Variants in LRP1 observed in about 807,000 individuals in gnomAD.
The protein encoded by LRP1 is LDL receptor related protein 1.
A neutral mutation model predicts 541.5 loss-of-function variants in LRP1; 51 were observed. That is an observed-to-expected ratio of 0.09 (90% CI 0.08 to 0.12). The LOEUF is 0.12. Among genes scored for constraint, LRP1 ranks in the 10% least tolerant of loss-of-function variants. LRP1 has a pLI of 1.00. For synonymous variants in LRP1, 2,219 were observed against 2,470.8 expected, an observed-to-expected ratio of 0.90 and a Z score of 3.02; for missense variants, 3,878 against 6,376.2, an observed-to-expected ratio of 0.61 and a Z score of 13.34.
chr12:57,196,022 T>A lies in LRP1; in HGVS notation c.8701+19T>A, dbSNP rs2036524642. On this transcript the variant is annotated intron_variant, in intron 54 of 88. Transcript: ENST00000243077. ...AGCCAAGGTGGGCCCCAGACCTGGCTCCCCTCTGCCCCCTCCCCAGACTGC... is the reference window on the plus strand; with the variant it reads ...AGCCAAGGTGGGCCCCAGACCTGGCACCCCTCTGCCCCCTCCCCAGACTGC... The A allele has an allele frequency of 6.2e-7, 1 of 1,612,058 alleles. No individual in the cohort carries two copies. Among genetic ancestry groups the A allele is most frequent in the African/African-American group, 1.3e-5 (1 of 74,894 alleles).
In LRP1 at chr12:57,158,870, G is replaced by A. The variant is rs2035675147; in HGVS notation, c.1798+232G>A. On this transcript the variant is annotated intron_variant, in intron 11 of 88. Coordinates refer to ENST00000243077, the MANE Select transcript of LRP1 (RefSeq NM_002332.3). This position sits in a 1 kb window ranked among gnomAD's most constrained non-coding sequence, Gnocchi z 5.3. ...GCATGGGCCGTCCTTGCCAGCCCTT[G>A]GGAAAACTCAGGGTCTGTCTGCATT... is the stretch of plus-strand genomic sequence containing the variant. Among the ~76,000 whole-genome samples, 1 of 152,196 alleles carries A rather than the reference G, an allele frequency of 6.6e-6. No individual in the cohort carries two copies. Among genetic ancestry groups the A allele is most frequent in the African/African-American group, 2.4e-5 (1 of 41,456 alleles).
intron 2 of LRP1, 40 bp from the exon 3 acceptor site, chr12:57,141,334 T>C (rs1345835942): frequency 6.2e-7 from 1 of 1,613,196 alleles, no homozygotes; most frequent in Non-Finnish European, 8.5e-7. Context: ...AGAGCCACCA[T>C]AGCCAGCTTG....
At position 57,194,616 on chromosome 12, in the gene LRP1, G is replaced by A. The variant is rs2036488519; in HGVS notation, c.8108G>A (p.Cys2703Tyr). ...AGATGCCCTCTGAATTACTTCGCCT[G>A]CCCTAGTGGGCGCTGCATCCCCATG... The part of the protein sequence containing the change: ...RPRCPLNYFA[C>Y]PSGRCIPMSW... Residue 2703 changes from cysteine to tyrosine, a missense_variant, in exon 50 of 89, where the codon TGC becomes TAC. Around this residue, in one of 13 missense-constraint regions of LRP1, gnomAD observed 1,100 missense variants for 1,827.4 expected, o/e 0.60. Transcript: ENST00000243077. 6.2e-7 allele frequency: 1 copy of A among 1,611,000 alleles called. No homozygotes were observed. The highest frequency in any genetic ancestry group is 1.7e-5 in the Admixed American group (1 of 59,652).
At position 57,197,172 on chromosome 12, in the gene LRP1, T is replaced by G. The variant is rs761021835; in HGVS notation, c.9076+7T>G. On this transcript the variant is annotated splice_region_variant and intron_variant, in intron 56 of 88. Coordinates refer to ENST00000243077, the MANE Select transcript of LRP1 (RefSeq NM_002332.3). The surrounding 1 kb of genome is among the most constrained non-coding windows in gnomAD (Gnocchi z 4.5). Reference sequence around the variant, plus strand: ...AGCTGCAAGGCTGTGACTGGTGAGATGCGCGCTTGGAGGGCATGAGGTGAC... The same window carrying G: ...AGCTGCAAGGCTGTGACTGGTGAGAGGCGCGCTTGGAGGGCATGAGGTGAC... 1.9e-6 allele frequency: 3 copies of G among 1,613,876 alleles called. No individual in the cohort carries two copies. Among genetic ancestry groups the G allele is most frequent in the Non-Finnish European group, 1.7e-6 (2 of 1,179,978 alleles).
intron 64 of LRP1, 91 bp from the exon 65 acceptor site, chr12:57,200,943 A>G: frequency 6.3e-7 from 1 of 1,594,862 alleles, no homozygotes; most frequent in Admixed American, 1.7e-5. Flanking sequence ...CCTATGGCTC[A>G]AGCCTGTGTC....
Position 57,201,842 on chromosome 12 carries a change from C to T in LRP1, c.10531C>T (p.Arg3511Cys). Residue 3511 changes from arginine (R) to cysteine (C), a missense_variant, in exon 67 of 89, where the codon CGT becomes TGT. Physicochemically the swap from Arg to Cys is radical, Grantham distance 180. Around this residue, in one of 13 missense-constraint regions of LRP1, gnomAD observed 278 missense variants for 536.3 expected, o/e 0.52. Coordinates refer to ENST00000243077, the MANE Select transcript of LRP1 (RefSeq NM_002332.3). This position sits in a 1 kb window ranked among gnomAD's most constrained non-coding sequence, Gnocchi z 6.4. ...GGATTCGGGCCGCTGCATCCCAGCG[C>T]GTTGGAAGTGTGACGGAGAGGATGA... ...CKDSGRCIPA[R>C]WKCDGEDDCG... The T allele has an allele frequency of 6.2e-7, 1 of 1,614,026 alleles. No individual in the cohort carries two copies. The highest frequency in any genetic ancestry group is 8.5e-7 in the Non-Finnish European group (1 of 1,179,986).
At position 57,197,120 on chromosome 12, in the gene LRP1, T is replaced by C. The variant is rs1357644613; in HGVS notation, c.9031T>C (p.Tyr3011His). Residue 3011 changes from tyrosine (Y) to histidine (H), a missense_variant, in exon 56 of 89, where the codon TAT (tyrosine) becomes CAT (histidine). By Grantham distance (83) the Tyr-to-His change is moderately conservative. Around this residue, in one of 13 missense-constraint regions of LRP1, gnomAD observed 1,100 missense variants for 1,827.4 expected, o/e 0.60. Transcript: ENST00000243077. The surrounding 1 kb of genome is among the most constrained non-coding windows in gnomAD (Gnocchi z 4.5). ...CTATAAGTGTCTGTGTGTGGAGGGC[T>C]ATGCACCCCGCGGCGGCGACCCCCA... is the stretch of plus-strand genomic sequence containing the variant. ...GSYKCLCVEG[Y>H]APRGGDPHSC... is the part of the protein sequence containing the mutation. 1 of 1,614,062 alleles carries C rather than the reference T, an allele frequency of 6.2e-7. No homozygotes were observed. Among genetic ancestry groups the C allele is most frequent in the Non-Finnish European group, 8.5e-7 (1 of 1,180,016 alleles).
At chr12:57,160,146 A>G (rs754155045) in intron 12 of LRP1, 141 bp downstream of exon 12, 16 of 758,896 alleles carry the variant, frequency 2.1e-5, no homozygotes, top group Non-Finnish European at 3.0e-5. Context: ...CAAGGGGAGA[A>G]GGAGTCCCTG....
chr12:57,143,210 A>G (rs2035332676), intron 3 of LRP1, among the ~76,000 whole-genome samples: 1 of 152,046 alleles, frequency 6.6e-6, no homozygotes, highest in East Asian at 1.9e-4. Context: ...GGCTCCGGGG[A>G]TGGGTTAGAC....
chr12:57,199,334 C>T lies in LRP1; in HGVS notation c.9799C>T (p.Leu3267Phe). 6.2e-7 allele frequency: 1 copy of T among 1,613,502 alleles called. No individual in the cohort carries two copies. Among genetic ancestry groups the T allele is most frequent in the Non-Finnish European group, 8.5e-7 (1 of 1,179,972 alleles). The change falls in exon 61 of 89, where the codon CTC becomes TTC. Residue 3267 changes from leucine (L) to phenylalanine (F), a missense_variant. Transcript: ENST00000243077. ...AHKTTGTNKT[L>F]LISTLHRPMD... ...CAAGACCACGGGCACCAACAAAACG[C>T]TCCTCATCAGCACGCTGCACCGGCC...
Position 57,203,446 on chromosome 12 carries a change from A to C in LRP1, c.10876A>C (p.Ile3626Leu). The change falls in exon 70 of 89, where the codon ATC (isoleucine) becomes CTC (leucine). Residue 3626 changes from isoleucine (I) to leucine (L), a missense_variant. Ile to Leu is a conservative substitution (Grantham distance 5, BLOSUM62 2). Around this residue, in one of 13 missense-constraint regions of LRP1, gnomAD observed 278 missense variants for 536.3 expected, o/e 0.52. Coordinates refer to ENST00000243077, the MANE Select transcript of LRP1 (RefSeq NM_002332.3). ...GTTCCAGTGCAAGAGCGGCCACTGCATCCCCCTGCGCTGGCGCTGTGACGC... is the reference window on the plus strand; with the variant it reads ...GTTCCAGTGCAAGAGCGGCCACTGCCTCCCCCTGCGCTGGCGCTGTGACGC... ...DQFQCKSGHC[I>L]PLRWRCDADA... 6.2e-7 allele frequency: 1 copy of C among 1,605,428 alleles called. No individual in the cohort carries two copies. Among genetic ancestry groups the C allele is most frequent in the East Asian group, 2.2e-5 (1 of 44,448 alleles).
rs200883502 is a variant in LRP1, at chr12:57,192,984, G to T, written c.7555+14G>T. 119 of 1,611,400 alleles carry T rather than the reference G, an allele frequency of 7.4e-5. No homozygotes were observed. Among genetic ancestry groups the T allele is most frequent in the Admixed American group, 3.3e-4 (20 of 60,000 alleles). The stretch of plus-strand genomic sequence containing the variant: ...TCACCTGCCGAGGTGAGAGAGGCGG[G>T]GGGGAGGGGCTGGCGGGGAACCCAA... On this transcript the variant is annotated intron_variant, in intron 45 of 88. Transcript: ENST00000243077.
intron 76 of LRP1, 58 bp from the exon 77 acceptor site, chr12:57,207,980 G>T: frequency 2.5e-6 from 4 of 1,574,188 alleles, no homozygotes; most frequent in Middle Eastern, 1.7e-4. Flanking sequence ...GAGTGGTGGC[G>T]GGGGGATAAT....
At chr12:57,210,928 G>T (rs972318837) in intron 83 of LRP1, 49 bp downstream of exon 83, 2 of 1,581,170 alleles carry the variant, frequency 1.3e-6, no homozygotes, top group South Asian at 1.1e-5. Context: ...GGTGACGGGG[G>T]ACCCCAGAGC....
chr12:57,198,120 C>A, intron 58 of LRP1, 36 bp from the exon 59 acceptor site: 1 of 1,568,348 alleles, frequency 6.4e-7, no homozygotes, highest in South Asian at 1.1e-5. Context: ...TCCCCCAGGT[C>A]ACCCAGAGCT....
intron 1 of LRP1, among the ~76,000 whole-genome samples, chr12:57,133,616 C>G (rs1239208525): frequency 1.4e-5 from 2 of 142,632 alleles, no homozygotes; most frequent in Admixed American, 1.4e-4. Flanking sequence ...GCTCTGTCCC[C>G]GCGCCGCCCC....
rs1354113022 is a variant in LRP1 at position 57,183,569 on chromosome 12, G to A, written c.5794+59G>A. On this transcript the variant is annotated intron_variant, in intron 35 of 88. Coordinates refer to ENST00000243077, the MANE Select transcript of LRP1 (RefSeq NM_002332.3). This position sits in a 1 kb window ranked among gnomAD's most constrained non-coding sequence, Gnocchi z 6.1. ...GGCGTAGGAGCTTTAGGGGTGGTGT[G>A]GTGTGCCCTGAGGGTCCAGTGAGAG... The A allele has an allele frequency of 2.6e-6, 4 of 1,568,014 alleles. No homozygotes were observed. The highest frequency in any genetic ancestry group is 1.8e-5 in the Admixed American group (1 of 55,010).
chr12:57,156,643 G>T lies in LRP1; in HGVS notation c.1418-134G>T, dbSNP rs1264226712. 2.9e-6 allele frequency: 3 copies of T among 1,050,528 alleles called. No homozygotes were observed. The East Asian group carries it at 7.9e-5, about 28-fold the overall frequency. 65.1% of individuals were successfully genotyped at this position (1,050,528 alleles called of 1,614,324 possible). On this transcript the variant is annotated intron_variant, in intron 9 of 88. Transcript: ENST00000243077. This position sits in a 1 kb window ranked among gnomAD's most constrained non-coding sequence, Gnocchi z 5.2. Reference sequence around the variant, plus strand: ...GGGGCAGAGGGTTTCCACCCCTGTGGCTTCCAAATCCTAAAATGGGATAGC... The same window carrying T: ...GGGGCAGAGGGTTTCCACCCCTGTGTCTTCCAAATCCTAAAATGGGATAGC...
chr12:57,183,357 C>CT lies in LRP1; in HGVS notation c.5663-20dup. The CT allele has an allele frequency of 6.3e-7, 1 of 1,591,248 alleles. No homozygotes were observed. Among genetic ancestry groups the CT allele is most frequent in the Non-Finnish European group, 8.6e-7 (1 of 1,161,812 alleles). On this transcript the variant is annotated intron_variant, in intron 34 of 88. Transcript: ENST00000243077. This position sits in a 1 kb window ranked among gnomAD's most constrained non-coding sequence, Gnocchi z 6.1. The stretch of plus-strand genomic sequence containing the variant: ...AAGGGAGTGTTGGCGATACCCATGC[C>CT]TTAAGTTTCCTTGTCTTTCAGGCGT...
Sources: allele counts gnomAD v4.1 joint callset (sites outside exome capture counted in the v4.1 genomes callset), GRCh38; gene constraint gnomAD v4.1.1; regional missense constraint gnomAD v4.1.1; non-coding constraint Gnocchi (gnomAD v3.1); transcripts MANE v1.5; gene names NCBI Gene and HGNC (gene_info 2026-07-23, HGNC 2026-07-21).